The following SUMO2 variants were observed in gnomAD, a reference collection of about 807,000 sequenced individuals.
The protein encoded by SUMO2 is small ubiquitin-related modifier 2.
A neutral mutation model predicts 16.0 loss-of-function variants in SUMO2; 1 was observed. That is an observed-to-expected ratio of 0.06 (90% CI 0.02 to 0.30). The LOEUF (loss-of-function observed/expected upper bound fraction) is 0.30, where lower values mean the gene tolerates loss of function less well. Among genes scored for constraint, SUMO2 ranks in the 10% least tolerant of loss-of-function variants. SUMO2 has a pLI of 1.00. For missense variants in SUMO2, 16 were observed against 117.5 expected (o/e 0.14, Z 3.99); for synonymous variants, 36 against 40.6 (o/e 0.89, Z 0.43).
rs1414857219 is a variant in SUMO2, at chr17:75,181,096, T to C, written c.114A>G (p.Thr38=). ...SVVQFKIKRH[T]PLSKLMKAYC... is the part of the protein sequence containing the mutation. Reference sequence around the variant, plus strand: ...AGGCTTTCATTAGTTTACTAAGTGGTGTATGCCTCTTAATCTTAAACTGCA... The same window carrying C: ...AGGCTTTCATTAGTTTACTAAGTGGCGTATGCCTCTTAATCTTAAACTGCA... Residue 38 remains threonine (T), a synonymous_variant, in exon 2 of 4, where the codon ACA becomes ACG. Coordinates refer to ENST00000420826, the MANE Select transcript of SUMO2 (RefSeq NM_006937.4). 6.2e-7 allele frequency: 1 copy of C among 1,614,060 alleles called. No homozygotes were observed. The highest frequency in any genetic ancestry group is 1.3e-5 in the African/African-American group (1 of 75,042).
chr17:75,179,583 A>G (rs1282526542), intron 2 of SUMO2, among the ~76,000 whole-genome samples: 5 of 151,842 alleles, frequency 3.3e-5, no homozygotes, highest in African/African-American at 4.8e-5. Flanking sequence ...GAAGGTTTAC[A>G]TATCAATTAT....
At chr17:75,176,881 C>T (rs928949434) in intron 2 of SUMO2, among the ~76,000 whole-genome samples, 1 of 151,812 alleles carries the variant, frequency 6.6e-6, no homozygotes, top group Non-Finnish European at 1.5e-5. Flanking sequence ...AGTATATAAC[C>T]ATCATCTACT....
intron 1 of SUMO2, chr17:75,182,559 T>G (rs570435610): frequency 2.1e-5 from 6 of 286,130 alleles, no homozygotes; most frequent in Non-Finnish European, 3.9e-5. Context: ...GTCCGCTTTC[T>G]GCCCGCCCAA....
chr17:75,180,953 C>A, intron 2 of SUMO2, 104 bp downstream of exon 2: 2 of 1,359,648 alleles, frequency 1.5e-6, no homozygotes, highest in Non-Finnish European at 2.0e-6. Flanking sequence ...ATATTCATCC[C>A]ATCAAAAAGT....
At chr17:75,169,242 A>AG (rs1030974006) in intron 3 of SUMO2, among the ~76,000 whole-genome samples, 3 of 151,176 alleles carry the variant, frequency 2.0e-5, no homozygotes, top group African/African-American at 7.4e-5. Context: ...TCAAAAAAAG[A>AG]GAAAAAAAGG....
intron 2 of SUMO2, among the ~76,000 whole-genome samples, chr17:75,178,656 C>T (rs1353758063): frequency 6.6e-6 from 1 of 152,142 alleles, no homozygotes. Flanking sequence ...GCAGCCTAGA[C>T]CTGCCAAGCT....
At chr17:75,168,475 T>C (rs1568044588) in intron 3 of SUMO2, 74 bp from the exon 4 acceptor site, 1 of 1,327,088 alleles carries the variant, frequency 7.5e-7, no homozygotes, top group Non-Finnish European at 1.0e-6. Flanking sequence ...GGTTTAAGTA[T>C]GCTGAAAACA....
At chr17:75,171,501 A>G (rs780264298) in intron 3 of SUMO2, among the ~76,000 whole-genome samples, 5 of 151,766 alleles carry the variant, frequency 3.3e-5, no homozygotes, top group Admixed American at 6.6e-5. Context: ...GAGACAGGGC[A>G]AAACTCCGTC....
intron 3 of SUMO2, 51 bp from the exon 4 acceptor site, chr17:75,168,452 TTAA>T: frequency 6.6e-7 from 1 of 1,523,128 alleles, no homozygotes; most frequent in South Asian, 1.2e-5. Context: ...GTTCTGAAAA[TTAA>T]TGATTTTTGG....
At chr17:75,176,130 C>T (rs1026101490) in intron 2 of SUMO2, among the ~76,000 whole-genome samples, 3 of 151,796 alleles carry the variant, frequency 2.0e-5, no homozygotes, top group South Asian at 2.1e-4. Flanking sequence ...ACCTCCACCA[C>T]CGGAGTTCAA....
chr17:75,169,492 T>A (rs2074718790), intron 3 of SUMO2, among the ~76,000 whole-genome samples: 1 of 151,246 alleles, frequency 6.6e-6, no homozygotes, highest in Non-Finnish European at 1.5e-5. Flanking sequence ...CACGCCATTC[T>A]CCTGCCTCAG....
chr17:75,178,509 CA>C lies in SUMO2; in HGVS notation c.153+2547del, dbSNP rs545816366. On this transcript the variant is annotated intron_variant, in intron 2 of 3. Coordinates refer to ENST00000420826, the MANE Select transcript of SUMO2 (RefSeq NM_006937.4). Reference sequence around the variant, plus strand: ...AGCCTGGGCAACAGTGCGAGACTCTCAAAAAAAAAAAAAAAAAAGAAAAGAA... The same window carrying C: ...AGCCTGGGCAACAGTGCGAGACTCTCAAAAAAAAAAAAAAAAAGAAAAGAA... Among the ~76,000 whole-genome samples the C allele has an allele frequency of 7.1e-3, 533 of 74,820 alleles. 1 individual carries two copies. Among genetic ancestry groups the C allele is most frequent in the South Asian group, 0.014 (32 of 2,224 alleles). 49.1% of individuals were successfully genotyped at this position (74,820 alleles called of 152,430 possible).
At chr17:75,182,076 G>A (rs1328958163) in intron 1 of SUMO2, among the ~76,000 whole-genome samples, 1 of 152,124 alleles carries the variant, frequency 6.6e-6, no homozygotes, top group Non-Finnish European at 1.5e-5. Context: ...CAAAAGCCGC[G>A]TTCAAAAGTT....
At position 75,166,617 on chromosome 17, in the gene SUMO2, T is replaced by G. The variant is rs1182258009; in HGVS notation, c.*1722A>C. The G allele has an allele frequency of 6.6e-6, 1 of 151,874 alleles. No individual in the cohort carries two copies. The highest frequency in any genetic ancestry group is 2.4e-5 in the African/African-American group (1 of 41,376). The allele number at this position is 151,874 out of a possible 1,614,324, so 9.4% of individuals were successfully genotyped here. A position where few individuals can be genotyped will look rare whatever the true frequency, so the allele number is the denominator to read the frequency against. On this transcript the variant is annotated 3_prime_UTR_variant, in exon 4 of 4. Coordinates refer to ENST00000420826, the MANE Select transcript of SUMO2 (RefSeq NM_006937.4). The stretch of plus-strand genomic sequence containing the variant: ...CGGCCTGGACAATATGGCGAAACAC[T>G]CTCTATAAAAAATACAAGAATTAGC...
chr17:75,178,368 G>T (rs568027638), intron 2 of SUMO2, among the ~76,000 whole-genome samples: 1 of 151,702 alleles, frequency 6.6e-6, no homozygotes, highest in Admixed American at 6.6e-5. Flanking sequence ...ACAAAAATTG[G>T]CTGGGCACGG....
At chr17:75,170,738 C>T (rs1368962187) in intron 3 of SUMO2, among the ~76,000 whole-genome samples, 285 of 146,994 alleles carry the variant, frequency 1.9e-3, no homozygotes, top group Non-Finnish European at 3.4e-3. Flanking sequence ...TAATCCCAGC[C>T]ACTCAGGAGG....
rs2074704851 is a variant in SUMO2 at position 75,167,915 on chromosome 17, A to G, written c.*424T>C. 6.2e-6 allele frequency: 1 copy of G among 161,502 alleles called. No individual in the cohort carries two copies. Among genetic ancestry groups the G allele is most frequent in the Non-Finnish European group, 1.4e-5 (1 of 69,296 alleles). The allele number at this position is 161,502 out of a possible 1,614,324, so 10.0% of individuals were successfully genotyped here. A position where few individuals can be genotyped will look rare whatever the true frequency, so the allele number is the denominator to read the frequency against. ...TTTACAATGATAAATGAAAAACATTAAAATTCTCCAATTGAACAAGGTATG... is the reference window on the plus strand; with the variant it reads ...TTTACAATGATAAATGAAAAACATTGAAATTCTCCAATTGAACAAGGTATG... On this transcript the variant is annotated 3_prime_UTR_variant, in exon 4 of 4. Coordinates refer to ENST00000420826, the MANE Select transcript of SUMO2 (RefSeq NM_006937.4).
intron 3 of SUMO2, among the ~76,000 whole-genome samples, chr17:75,173,241 G>A (rs1450118111): frequency 6.6e-6 from 1 of 152,082 alleles, no homozygotes; most frequent in Non-Finnish European, 1.5e-5. Flanking sequence ...ATAACTCACT[G>A]CGGCCTGAAA....
rs184320462 is a variant in SUMO2, at chr17:75,181,003, T to C, written c.153+54A>G. On this transcript the variant is annotated intron_variant, in intron 2 of 3. Transcript: ENST00000420826. Reference sequence around the variant, plus strand: ...AGTCTAGTTTTTGTTCCCATGAAAATAAGATTTTTAAAAATAGTTTTATTC... The same window carrying C: ...AGTCTAGTTTTTGTTCCCATGAAAACAAGATTTTTAAAAATAGTTTTATTC... 3.1e-6 allele frequency: 5 copies of C among 1,602,870 alleles called. No homozygotes were observed. The African/African-American group carries it at 4.0e-5, about 13-fold the overall frequency.
Sources: allele counts gnomAD v4.1 joint callset (sites outside exome capture counted in the v4.1 genomes callset), GRCh38; gene constraint gnomAD v4.1.1; transcripts MANE v1.5; gene names NCBI Gene and HGNC (gene_info 2026-07-23, HGNC 2026-07-21).